The following ZNF529 variants were observed in gnomAD, a reference collection of about 807,000 sequenced individuals.
The protein encoded by ZNF529 is zinc finger protein 529.
ZNF529 carries 11 observed loss-of-function variants against 10.1 expected under a neutral mutation model. That is an observed-to-expected ratio of 1.09 (90% CI 0.69 to 1.81). The LOEUF is 1.81. ZNF529 is among the 40% of genes most tolerant of loss of function. ZNF529 has a pLI of 0.00. For missense variants in ZNF529, 624 were observed against 666.8 expected (o/e 0.94, Z 0.71); for synonymous variants, 204 against 215.7 (o/e 0.95, Z 0.47).
At chr19:36,563,810 A>G (rs534946837) in intron 2 of ZNF529, among the ~76,000 whole-genome samples, 2 of 152,346 alleles carry the variant, frequency 1.3e-5, no homozygotes, top group Admixed American at 6.5e-5. Flanking sequence ...AAGGGTCTGA[A>G]TAGCCAAGGT....
chr19:36,582,063 C>T (rs1378145118), intron 2 of ZNF529: 1 of 152,288 alleles, frequency 6.6e-6, no homozygotes, highest in Admixed American at 6.5e-5. Context: ...TAGTCCACCT[C>T]ATAAAATCAG....
chr19:36,554,342 G>A (rs147629150), intron 4 of ZNF529, among the ~76,000 whole-genome samples: 13,517 of 152,158 alleles, frequency 0.089, 787 homozygotes, highest in Non-Finnish European at 0.13. Context: ...ACTTTGGGAG[G>A]CCAAGGTGGG....
At chr19:36,561,602 C>T (rs543290731) in intron 2 of ZNF529, among the ~76,000 whole-genome samples, 3 of 152,230 alleles carry the variant, frequency 2.0e-5, no homozygotes, top group Non-Finnish European at 4.4e-5. Flanking sequence ...GACAGTCCCC[C>T]CTAGGGCATT....
At chr19:36,603,048 C>G (rs1443953435) in intron 1 of ZNF529, among the ~76,000 whole-genome samples, 1 of 152,088 alleles carries the variant, frequency 6.6e-6, no homozygotes, top group African/African-American at 2.4e-5. Context: ...CTTAACAGCT[C>G]TCTCTGCACA....
intron 1 of ZNF529, among the ~76,000 whole-genome samples, chr19:36,592,888 G>A (rs1010433411): frequency 2.0e-5 from 3 of 151,912 alleles, no homozygotes; most frequent in Non-Finnish European, 4.4e-5. Context: ...AAAAATTATC[G>A]GACAAAATAC....
intron 1 of ZNF529, among the ~76,000 whole-genome samples, chr19:36,598,971 T>G (rs2036882883): frequency 6.6e-6 from 1 of 152,182 alleles, no homozygotes; most frequent in Non-Finnish European, 1.5e-5. Flanking sequence ...CCCACAGATT[T>G]TTTCAAAAAG....
At chr19:36,563,475 A>G (rs764930680) in intron 2 of ZNF529, among the ~76,000 whole-genome samples, 1 of 152,084 alleles carries the variant, frequency 6.6e-6, no homozygotes, top group Non-Finnish European at 1.5e-5. Flanking sequence ...CTGCAAGGAG[A>G]TTGAGAGTAA....
At chr19:36,564,790 T>G (rs772649015) in intron 2 of ZNF529, among the ~76,000 whole-genome samples, 2 of 152,150 alleles carry the variant, frequency 1.3e-5, no homozygotes, top group Non-Finnish European at 2.9e-5. Context: ...AAAAGACACA[T>G]GCACTCATGT....
intron 3 of ZNF529, 121 bp downstream of exon 3, chr19:36,555,983 C>A: frequency 5.1e-6 from 5 of 984,868 alleles, no homozygotes; most frequent in Non-Finnish European, 7.6e-6. Flanking sequence ...CTGTTAGACT[C>A]CAGCCCTTAC....
chr19:36,560,977 T>A (rs1308659274), intron 2 of ZNF529, among the ~76,000 whole-genome samples: 1 of 152,066 alleles, frequency 6.6e-6, no homozygotes, highest in Non-Finnish European at 1.5e-5. Context: ...AAACCAAGGG[T>A]GTGACCAAGT....
At chr19:36,563,354 C>A (rs1250114298) in intron 2 of ZNF529, among the ~76,000 whole-genome samples, 1 of 148,078 alleles carries the variant, frequency 6.8e-6, no homozygotes, top group East Asian at 2.0e-4. Flanking sequence ...ACCCAGGAGG[C>A]GGAGGTTGCA....
chr19:36,587,199 A>T (rs980900837), intron 2 of ZNF529, among the ~76,000 whole-genome samples: 2 of 150,856 alleles, frequency 1.3e-5, no homozygotes, highest in Non-Finnish European at 2.9e-5. Context: ...CATGAGGCGG[A>T]GGTTGTAGTG....
chr19:36,586,373 G>A (rs1442128191), intron 2 of ZNF529, among the ~76,000 whole-genome samples: 7 of 152,052 alleles, frequency 4.6e-5, no homozygotes, highest in South Asian at 2.1e-4. Flanking sequence ...TTGGGAGGCC[G>A]AGGCAGGTGG....
At chr19:36,593,171 GA>G (rs1180561856) in intron 1 of ZNF529, among the ~76,000 whole-genome samples, 1 of 152,074 alleles carries the variant, frequency 6.6e-6, no homozygotes, top group Non-Finnish European at 1.5e-5. Flanking sequence ...AAATCCTAAA[GA>G]GTAGATTCTT....
chr19:36,596,514 CT>C lies in ZNF529; in HGVS notation c.-127-6814del, dbSNP rs1367291494. Among the ~76,000 whole-genome samples, 12 of 149,922 alleles carry C rather than the reference CT, an allele frequency of 8.0e-5. No homozygotes were observed. The South Asian group carries it at 1.1e-3, about 13-fold the overall frequency. On this transcript the variant is annotated intron_variant, in intron 1 of 4. Transcript: ENST00000585960. ...ACCACCTTCATACTTTTGCTTTCAA[CT>C]TTTTTTTTCTTCTTTTTTTTGAGAT...
chr19:36,605,530 C>G (rs984068541), upstream of ZNF529: 1 of 152,306 alleles, frequency 6.6e-6, no homozygotes, highest in Non-Finnish European at 1.5e-5. Context: ...CTGTACGAGC[C>G]GGGCCTCGGG....
chr19:36,570,234 G>A (rs1162603543), intron 2 of ZNF529, among the ~76,000 whole-genome samples: 1 of 151,752 alleles, frequency 6.6e-6, no homozygotes, highest in African/African-American at 2.4e-5. Context: ...TGTGGTGTGT[G>A]CCTGTAGTCC....
intron 2 of ZNF529, among the ~76,000 whole-genome samples, chr19:36,560,034 G>A (rs2035621972): frequency 6.6e-6 from 1 of 152,038 alleles, no homozygotes; most frequent in African/African-American, 2.4e-5. Flanking sequence ...TGAGGCGGGA[G>A]GATCCCCTGA....
At chr19:36,581,119 A>G (rs1329853106) in intron 2 of ZNF529, 1 of 152,222 alleles carries the variant, frequency 6.6e-6, no homozygotes, top group African/African-American at 2.4e-5. Flanking sequence ...CAATTGAAAA[A>G]TTACATTCTT....
Sources: allele counts gnomAD v4.1 joint callset (sites outside exome capture counted in the v4.1 genomes callset), GRCh38; gene constraint gnomAD v4.1.1; transcripts MANE v1.5; gene names NCBI Gene and HGNC (gene_info 2026-07-23, HGNC 2026-07-21).